Variants in NNT observed in about 807,000 individuals in gnomAD.
NNT encodes the protein NAD(P) transhydrogenase, mitochondrial.
In NNT, 50 loss-of-function variants were observed where a neutral mutation model predicts 104.8. The observed-to-expected ratio is 0.48, with a 90% CI of 0.38 to 0.60. The LOEUF (loss-of-function observed/expected upper bound fraction) is 0.60. Ranked by LOEUF, NNT falls within the 20% of genes least tolerant of loss-of-function variation. The pLI is 0.00. For missense variants in NNT, 1,131 were observed against 1,330.7 expected, an observed-to-expected ratio of 0.85 and a Z score of 2.33; for synonymous variants, 461 against 490.4, an observed-to-expected ratio of 0.94 and a Z score of 0.79.
chr5:43,651,860 C>G lies in NNT; in HGVS notation c.1839C>G (p.Leu613=), dbSNP rs773400626. ...TTGTTGGTGGATATTTAGCTGCCCT[C>G]TACAGTGGTTATAACATTGAACAGG... ...GTFVGGYLAA[L]YSGYNIEQIM... The change falls in exon 13 of 22, where the codon CTC becomes CTG. Residue 613 remains leucine, a synonymous_variant. Coordinates refer to ENST00000344920, the MANE Select transcript of NNT (RefSeq NM_182977.3). 2.5e-6 allele frequency: 4 copies of G among 1,614,168 alleles called. No homozygotes were observed. The South Asian group carries it at 4.4e-5, about 18-fold the overall frequency.
intron 14 of NNT, among the ~76,000 whole-genome samples, chr5:43,655,458 T>C (rs1739992864): frequency 1.3e-5 from 2 of 152,214 alleles, no homozygotes; most frequent in South Asian, 4.1e-4. Context: ...AACACAAACT[T>C]TGTTTCAAGC....
At chr5:43,657,834 A>C (rs1359104105) in intron 16 of NNT, among the ~76,000 whole-genome samples, 1 of 152,238 alleles carries the variant, frequency 6.6e-6, no homozygotes, top group African/African-American at 2.4e-5. Flanking sequence ...AAGTCTCAAA[A>C]TAAAAGATAT....
At chr5:43,687,365 T>C (rs899016186) in intron 19 of NNT, among the ~76,000 whole-genome samples, 1 of 152,154 alleles carries the variant, frequency 6.6e-6, no homozygotes, top group African/African-American at 2.4e-5. Flanking sequence ...TTGGTAGGCT[T>C]TGCATGTTGA....
intron 17 of NNT, among the ~76,000 whole-genome samples, chr5:43,665,386 CCA>C (rs1740586518): frequency 6.6e-6 from 1 of 152,030 alleles, no homozygotes. Context: ...CTGCCGCCTT[CCA>C]CAGTGTTTGT....
intron 7 of NNT, among the ~76,000 whole-genome samples, chr5:43,640,559 A>G (rs546876654): frequency 8.5e-5 from 13 of 152,250 alleles, no homozygotes; most frequent in African/African-American, 2.9e-4. Flanking sequence ...TTTTATCTTT[A>G]AAATAAAAAT....
intron 4 of NNT, among the ~76,000 whole-genome samples, chr5:43,616,519 A>G (rs1749797379): frequency 1.3e-5 from 2 of 152,242 alleles, no homozygotes; most frequent in Non-Finnish European, 2.9e-5. Flanking sequence ...TAAAATATTT[A>G]AAGAATAGGA....
intron 17 of NNT, among the ~76,000 whole-genome samples, chr5:43,671,481 G>T (rs570683962): frequency 6.6e-6 from 1 of 152,162 alleles, no homozygotes; most frequent in African/African-American, 2.4e-5. Context: ...CAGGCCTGGC[G>T]GTGACAAAAT....
intron 2 of NNT, 36 bp from the exon 3 acceptor site, chr5:43,612,872 C>A: frequency 1.5e-6 from 2 of 1,372,174 alleles, no homozygotes; most frequent in South Asian, 2.5e-5. Context: ...GTTTTTTTAC[C>A]AAATATATAT....
chr5:43,635,243 T>C (rs758508892), intron 7 of NNT, among the ~76,000 whole-genome samples: 2 of 152,190 alleles, frequency 1.3e-5, no homozygotes, highest in African/African-American at 4.8e-5. Flanking sequence ...AATAGATAGG[T>C]TCACATATTG....
intron 17 of NNT, among the ~76,000 whole-genome samples, chr5:43,663,617 G>A (rs530024283): frequency 1.5e-4 from 23 of 152,212 alleles, no homozygotes; most frequent in Non-Finnish European, 2.6e-4. Context: ...TGTGCTTAGC[G>A]GCTCTAGGTA....
At chr5:43,604,032 G>C (rs774751513) in intron 1 of NNT, among the ~76,000 whole-genome samples, 2 of 152,202 alleles carry the variant, frequency 1.3e-5, no homozygotes, top group Non-Finnish European at 2.9e-5. Context: ...ATGCCAGCGG[G>C]TGGCAGTTAG....
At chr5:43,658,410 G>A (rs547206525) in intron 16 of NNT, among the ~76,000 whole-genome samples, 5 of 152,218 alleles carry the variant, frequency 3.3e-5, no homozygotes, top group East Asian at 1.9e-4. Flanking sequence ...GTTGTATCAC[G>A]GACATTGTTA....
intron 19 of NNT, among the ~76,000 whole-genome samples, chr5:43,682,643 T>C (rs1451529740): frequency 1.3e-5 from 2 of 152,246 alleles, no homozygotes; most frequent in African/African-American, 4.8e-5. Context: ...CATGTATTTC[T>C]GACGAGAATA....
At chr5:43,642,496 C>A (rs1489557611) in intron 7 of NNT, among the ~76,000 whole-genome samples, 1 of 152,110 alleles carries the variant, frequency 6.6e-6, no homozygotes, top group African/African-American at 2.4e-5. Context: ...GTGAAACTAC[C>A]AGCACTTCAG....
chr5:43,662,328 C>G (rs1281971239), intron 17 of NNT, among the ~76,000 whole-genome samples: 1 of 152,074 alleles, frequency 6.6e-6, no homozygotes, highest in Non-Finnish European at 1.5e-5. Flanking sequence ...GTTGAAAGTA[C>G]TCTCTTCTAC....
chr5:43,704,414 A>G lies in NNT; in HGVS notation c.*10A>G. The G allele has an allele frequency of 6.2e-7, 1 of 1,613,276 alleles. No homozygotes were observed. Among genetic ancestry groups the G allele is most frequent in the Non-Finnish European group, 8.5e-7 (1 of 1,179,488 alleles). On this transcript the variant is annotated 3_prime_UTR_variant, in exon 22 of 22. Transcript: ENST00000344920. Reference sequence around the variant, plus strand: ...ATCCTATCAGAAGTAAATATTAAGGATCAAGCTGTTAGCTAATAATGCCAC... The same window carrying G: ...ATCCTATCAGAAGTAAATATTAAGGGTCAAGCTGTTAGCTAATAATGCCAC...
rs1306062996 is a variant in NNT, at chr5:43,672,242, G to T, written c.2635-3269G>T. On this transcript the variant is annotated intron_variant, in intron 17 of 21. Transcript: ENST00000344920. ...TGATGGGTTCAAACTTCCTCCTTTA[G>T]CTTGGAGAAGTTGGATCGTCTGAAG... Among the ~76,000 whole-genome samples the T allele has an allele frequency of 3.3e-5, 5 of 152,240 alleles. 1 individual carries two copies. The South Asian group carries it at 1.0e-3, about 32-fold the overall frequency.
At chr5:43,701,009 A>G (rs565994761) in intron 20 of NNT, among the ~76,000 whole-genome samples, 1 of 152,320 alleles carries the variant, frequency 6.6e-6, no homozygotes, top group Admixed American at 6.5e-5. Flanking sequence ...ACTGTTGTTA[A>G]ATTATGTGTG....
intron 1 of NNT, among the ~76,000 whole-genome samples, chr5:43,607,519 C>T (rs540985975): frequency 1.3e-5 from 2 of 152,346 alleles, no homozygotes; most frequent in Admixed American, 6.5e-5. Context: ...TTTTCGGACT[C>T]AGCCCACTTG....
Sources: gnomAD v4.1 joint callset for allele counts (sites outside exome capture counted in the v4.1 genomes callset) on GRCh38, gnomAD v4.1.1 for gene constraint, MANE v1.5 for transcripts, NCBI Gene and HGNC (gene_info 2026-07-23, HGNC 2026-07-21) for gene names.